Variants in AGTPBP1 observed in about 807,000 individuals in gnomAD.
The protein encoded by AGTPBP1 is cytosolic carboxypeptidase 1.
A neutral mutation model predicts 143.9 loss-of-function variants in AGTPBP1; 70 were observed. The ratio of observed to expected loss-of-function variants is 0.49; its 90% CI spans 0.40 to 0.59. The LOEUF is 0.59. Ranked by LOEUF, AGTPBP1 falls within the 20% of genes least tolerant of loss-of-function variation. The pLI is 0.00. For missense variants in AGTPBP1, 1,229 were observed against 1,464.5 expected (o/e 0.84, Z 2.62); for synonymous variants, 463 against 500.2 (o/e 0.93, Z 0.99).
chr9:85,795,426 C>A, the AGTPBP1 span, among the ~76,000 whole-genome samples: 1 of 152,160 alleles, frequency 6.6e-6, no homozygotes, highest in Admixed American at 6.5e-5. Context: ...GCTTAATAAA[C>A]CACAGATCCA....
At chr9:85,781,409 C>T in the AGTPBP1 span, 5 of 1,465,656 alleles carry the variant, frequency 3.4e-6, no homozygotes, top group Non-Finnish European at 4.5e-6. Context: ...GTTTCTCTAG[C>T]ATTTGGTGAA....
intron 25 of AGTPBP1, among the ~76,000 whole-genome samples, chr9:85,571,124 T>C (rs1328844561): frequency 6.6e-6 from 1 of 152,248 alleles, no homozygotes; most frequent in Admixed American, 6.5e-5. Flanking sequence ...AATTCATGTA[T>C]GTAAATACTT....
chr9:85,550,959 G>A (rs1826002713), intron 25 of AGTPBP1, among the ~76,000 whole-genome samples: 1 of 152,098 alleles, frequency 6.6e-6, no homozygotes, highest in Non-Finnish European at 1.5e-5. Context: ...GGGGCCTGGT[G>A]GGAGGTGTTT....
intron 1 of AGTPBP1, among the ~76,000 whole-genome samples, chr9:85,721,014 C>T (rs1478644855): frequency 6.6e-6 from 1 of 152,190 alleles, no homozygotes; most frequent in Non-Finnish European, 1.5e-5. Context: ...AGTTTGATTG[C>T]ACTGTGGTCT....
intron 25 of AGTPBP1, among the ~76,000 whole-genome samples, chr9:85,557,153 C>T (rs1826403559): frequency 6.6e-6 from 1 of 152,172 alleles, no homozygotes; most frequent in Non-Finnish European, 1.5e-5. Flanking sequence ...TAAACATATA[C>T]AATCATCAAA....
intron 1 of AGTPBP1, among the ~76,000 whole-genome samples, chr9:85,720,093 G>A (rs1838001910): frequency 6.6e-6 from 1 of 152,190 alleles, no homozygotes; most frequent in South Asian, 2.1e-4. Context: ...TTGCATCGAT[G>A]TTCATCAGGG....
At chr9:85,748,828 T>C in the AGTPBP1 span, among the ~76,000 whole-genome samples, 1 of 152,176 alleles carries the variant, frequency 6.6e-6, no homozygotes, top group African/African-American at 2.4e-5. Context: ...GTTGTGGTCT[T>C]TGGGTTTTAA....
the AGTPBP1 span, among the ~76,000 whole-genome samples, chr9:85,788,797 T>C: frequency 1.3e-5 from 2 of 150,742 alleles, no homozygotes; most frequent in African/African-American, 4.9e-5. Flanking sequence ...TACACTTGTA[T>C]ATATACATAG....
At chr9:85,641,995 G>A (rs1394758674) in intron 13 of AGTPBP1, among the ~76,000 whole-genome samples, 5 of 151,774 alleles carry the variant, frequency 3.3e-5, no homozygotes, top group Non-Finnish European at 5.9e-5. Context: ...CACCACACCC[G>A]GCAACAAATA....
At chr9:85,802,369 C>G in the AGTPBP1 span, among the ~76,000 whole-genome samples, 3 of 152,132 alleles carry the variant, frequency 2.0e-5, no homozygotes, top group Non-Finnish European at 4.4e-5. Context: ...CTGGTCAAAT[C>G]TCAGTCCTGG....
At chr9:85,572,930 A>G (rs1827606336) in intron 25 of AGTPBP1, among the ~76,000 whole-genome samples, 1 of 152,206 alleles carries the variant, frequency 6.6e-6, no homozygotes, top group Non-Finnish European at 1.5e-5. Context: ...CAGAGCAATA[A>G]ATTAACAAAT....
intron 9 of AGTPBP1, among the ~76,000 whole-genome samples, chr9:85,660,402 A>G (rs1175210287): frequency 1.3e-5 from 2 of 152,196 alleles, no homozygotes; most frequent in Admixed American, 1.3e-4. Flanking sequence ...AGCATAAGAC[A>G]TATCTACTCC....
chr9:85,672,025 T>C (rs62569205), intron 7 of AGTPBP1, among the ~76,000 whole-genome samples: 2,549 of 152,240 alleles, frequency 0.017, 25 homozygotes, highest in Middle Eastern at 0.055. Flanking sequence ...CTATCCTTTA[T>C]AAATTGGAGA....
chr9:85,699,632 G>A (rs1230947576), intron 2 of AGTPBP1, among the ~76,000 whole-genome samples: 1 of 149,002 alleles, frequency 6.7e-6, no homozygotes, highest in African/African-American at 2.5e-5. Flanking sequence ...ACATACAAAA[G>A]TTTTAGGATT....
the AGTPBP1 span, among the ~76,000 whole-genome samples, chr9:85,758,454 G>T: frequency 6.6e-6 from 1 of 152,102 alleles, no homozygotes; most frequent in Non-Finnish European, 1.5e-5. Flanking sequence ...AAACCAGCCT[G>T]ACCAACATGG....
the AGTPBP1 span, chr9:85,773,826 T>C: frequency 1.3e-6 from 2 of 1,510,394 alleles, no homozygotes; most frequent in Non-Finnish European, 1.8e-6. Flanking sequence ...GGTCAAAATA[T>C]GTATTTGTTA....
intron 17 of AGTPBP1, among the ~76,000 whole-genome samples, chr9:85,612,615 T>G (rs764108989): frequency 1.4e-4 from 21 of 152,200 alleles, no homozygotes; most frequent in Admixed American, 6.5e-5. Context: ...GACCCCCTGT[T>G]TGTAACCAAG....
chr9:85,795,231 TA>T, the AGTPBP1 span, among the ~76,000 whole-genome samples: 1 of 152,194 alleles, frequency 6.6e-6, no homozygotes, highest in Non-Finnish European at 1.5e-5. Context: ...ATCTTTCCTA[TA>T]AGTGAAACAC....
chr9:85,731,265 T>C (rs1039098480), intron 1 of AGTPBP1, among the ~76,000 whole-genome samples: 4 of 152,180 alleles, frequency 2.6e-5, no homozygotes, highest in Non-Finnish European at 4.4e-5. Context: ...CTTAGCCTAC[T>C]ATGAGATACC....
Sources: allele counts gnomAD v4.1 joint callset (sites outside exome capture counted in the v4.1 genomes callset), GRCh38; gene constraint gnomAD v4.1.1; transcripts MANE v1.5; gene names NCBI Gene and HGNC (gene_info 2026-07-23, HGNC 2026-07-21).